The following STIL variants were observed in gnomAD, a reference collection of about 807,000 sequenced individuals.
STIL encodes SCL-interrupting locus protein.
STIL carries 55 observed loss-of-function variants against 110.1 expected under a neutral mutation model. That is an observed-to-expected ratio of 0.50 (90% confidence interval 0.40 to 0.63). The LOEUF is 0.63. Among genes scored for constraint, STIL ranks in the 20% least tolerant of loss-of-function variants. STIL has a pLI of 0.00. For missense variants in STIL, 1,358 were observed against 1,530.0 expected (o/e 0.89, Z 1.87); for synonymous variants, 481 against 530.0 (o/e 0.91, Z 1.27).
chr1:47,300,824 T>C (rs960346392), intron 5 of STIL, among the ~76,000 whole-genome samples: 2 of 152,194 alleles, frequency 1.3e-5, no homozygotes, highest in Non-Finnish European at 2.9e-5. Context: ...GATTCCTTTC[T>C]TGTTACCACA....
Position 47,260,635 on chromosome 1 carries a change from A to C in STIL, c.2830-96T>G, listed in dbSNP as rs148721559. On this transcript the variant is annotated intron_variant, in intron 15 of 16. Transcript: ENST00000371877. ...CACCTATAATCCCAGCACTTTGGGA[A>C]GCCAAGGCAGGAAGATCGCTTGAGC... 5,736 of 1,297,532 alleles carry C rather than the reference A, an allele frequency of 4.4e-3. 218 individuals are homozygous for C. In the African/African-American group the frequency reaches 0.075, roughly 17 times the overall value. The allele number at this position is 1,297,532 out of a possible 1,614,324, so 80.4% of individuals were successfully genotyped here. A position where few individuals can be genotyped will look rare whatever the true frequency, so the allele number is the denominator to read the frequency against.
chr1:47,251,242 G>C lies in STIL; in HGVS notation c.3761C>G (p.Pro1254Arg), dbSNP rs1557694257. The change falls in exon 17 of 17, where the codon CCT (proline) becomes CGT (arginine). Residue 1254 changes from proline (P) to arginine (R), a missense_variant. Transcript: ENST00000371877. ...CGTTTCAGAAGGTTGCAAACTTTCA[G>C]GAAAAATTGTAATGTCCCCTTCATT... ...KENEGDITIF[P>R]ESLQPSETLK... The C allele has an allele frequency of 6.2e-7, 1 of 1,611,168 alleles. No homozygotes were observed. The highest frequency in any genetic ancestry group is 1.7e-5 in the Admixed American group (1 of 59,622).
chr1:47,312,047 C>T (rs916135198), intron 1 of STIL, among the ~76,000 whole-genome samples: 1 of 151,452 alleles, frequency 6.6e-6, no homozygotes, highest in Non-Finnish European at 1.5e-5. Flanking sequence ...CTCTGTCTCA[C>T]TCTGTGTGAA....
At chr1:47,309,065 A>AAT (rs1646048441) in intron 2 of STIL, among the ~76,000 whole-genome samples, 1 of 151,118 alleles carries the variant, frequency 6.6e-6, no homozygotes. Flanking sequence ...AAAAAAAAAA[A>AAT]AATAATAATA....
At chr1:47,297,579 G>A (rs1379210267) in intron 6 of STIL, among the ~76,000 whole-genome samples, 3 of 152,018 alleles carry the variant, frequency 2.0e-5, no homozygotes, top group African/African-American at 7.2e-5. Flanking sequence ...AAGGGCAAAT[G>A]TCAAATTTTT....
At chr1:47,305,266 C>T in intron 2 of STIL, 1 of 349,348 alleles carries the variant, frequency 2.9e-6, no homozygotes, top group South Asian at 3.1e-5. Flanking sequence ...GCTGAGATTA[C>T]AGGAGTGCAC....
intron 8 of STIL, among the ~76,000 whole-genome samples, chr1:47,291,248 C>A (rs1645479732): frequency 6.6e-6 from 1 of 152,088 alleles, no homozygotes; most frequent in Non-Finnish European, 1.5e-5. Flanking sequence ...GTAATCCCAG[C>A]TACTCAGGAG....
At chr1:47,314,810 C>A (rs1646238597), upstream of STIL, among the ~76,000 whole-genome samples, 1 of 151,788 alleles carries the variant, frequency 6.6e-6, no homozygotes, top group Admixed American at 6.6e-5. Context: ...ACCGCAACCT[C>A]GCCTCCCGAG....
chr1:47,280,495 C>T lies in STIL; in HGVS notation c.1963G>A (p.Ala655Thr). The T allele has an allele frequency of 1.9e-6, 3 of 1,614,228 alleles. No individual in the cohort carries two copies. The highest frequency in any genetic ancestry group is 2.5e-6 in the Non-Finnish European group (3 of 1,180,044). Residue 655 changes from alanine to threonine, a missense_variant, in exon 12 of 17, where the codon GCA (alanine) becomes ACA (threonine). Transcript: ENST00000371877. ...ATAGGACTACTTGAAGAACAGAATG[C>T]ATTACAGTACAGGGCTGGACATCCA... is the stretch of plus-strand genomic sequence containing the variant. ...PSGCPALYCNAFCSSSSPIAL... is the reference protein window; with the variant it reads ...PSGCPALYCNTFCSSSSPIAL...
At position 47,255,532 on chromosome 1, in the gene STIL, G is replaced by A. The variant is rs144483302; in HGVS notation, c.3081-3610C>T. On this transcript the variant is annotated intron_variant, in intron 16 of 16. Transcript: ENST00000371877. ...CCACTGCACTGCAGCCTGGGCAACA[G>A]AGCGAGACCCTGTCTCTCAAAAAAA... Among the ~76,000 whole-genome samples, 281 of 139,376 alleles carry A rather than the reference G, an allele frequency of 2.0e-3. 1 individual carries two copies. The highest frequency in any genetic ancestry group is 7.2e-3 in the African/African-American group (273 of 38,170). 91.4% of individuals were successfully genotyped at this position (139,376 alleles called of 152,430 possible).
At chr1:47,277,676 G>A (rs193115789) in intron 12 of STIL, among the ~76,000 whole-genome samples, 330 of 152,222 alleles carry the variant, frequency 2.2e-3, no homozygotes, top group African/African-American at 7.5e-3. Flanking sequence ...CCTGAGTGAC[G>A]AGATGAGAGG....
At chr1:47,290,950 G>C (rs773845733) in intron 8 of STIL, among the ~76,000 whole-genome samples, 2 of 152,160 alleles carry the variant, frequency 1.3e-5, no homozygotes, top group South Asian at 2.1e-4. Context: ...AAGATGTAAC[G>C]TGTTGTTTCA....
upstream of STIL, among the ~76,000 whole-genome samples, chr1:47,314,472 G>A (rs554822632): frequency 1.3e-5 from 2 of 152,352 alleles, no homozygotes; most frequent in Admixed American, 6.5e-5. Context: ...ACGGAGGAGC[G>A]AGTGGCAGAT....
intron 8 of STIL, among the ~76,000 whole-genome samples, chr1:47,293,124 C>A (rs1338793317): frequency 1.3e-5 from 2 of 152,144 alleles, no homozygotes; most frequent in Non-Finnish European, 2.9e-5. Context: ...CAAATCCAAA[C>A]TCATTTGCAG....
intron 2 of STIL, among the ~76,000 whole-genome samples, chr1:47,309,416 G>A (rs1396666506): frequency 1.3e-5 from 2 of 152,050 alleles, no homozygotes; most frequent in African/African-American, 4.8e-5. Flanking sequence ...ACAGGCATAA[G>A]CCACCTTGCC....
chr1:47,299,985 G>A lies in STIL; in HGVS notation c.621C>T (p.Ile207=). The change falls in exon 6 of 17, where the codon ATC becomes ATT. Residue 207 remains isoleucine (I), a synonymous_variant. Coordinates refer to ENST00000371877, the MANE Select transcript of STIL (RefSeq NM_001048166.1). The part of the protein sequence containing the change: ...NNFKCTPVKP[I]PIIPTALARN... Reference sequence around the variant, plus strand: ...TTGCCAGAGCTGTTGGAATAATGGGGATGGGCTTCACAGGTGTGCATTTAA... The same window carrying A: ...TTGCCAGAGCTGTTGGAATAATGGGAATGGGCTTCACAGGTGTGCATTTAA... The A allele has an allele frequency of 6.2e-7, 1 of 1,614,100 alleles. No homozygotes were observed. The highest frequency in any genetic ancestry group is 8.5e-7 in the Non-Finnish European group (1 of 1,179,990).
At chr1:47,253,036 A>C (rs1317254541) in intron 16 of STIL, among the ~76,000 whole-genome samples, 1 of 152,072 alleles carries the variant, frequency 6.6e-6, no homozygotes, top group Non-Finnish European at 1.5e-5. Context: ...GGCTGCTCTC[A>C]AACTCCTGAG....
intron 16 of STIL, 67 bp downstream of exon 16, chr1:47,260,222 A>G: frequency 8.3e-6 from 12 of 1,454,362 alleles, no homozygotes; most frequent in Non-Finnish European, 9.2e-6. Flanking sequence ...AATGATGGGC[A>G]AAAATAAATA....
Position 47,250,814 on chromosome 1 carries a change from G to A in STIL, c.*322C>T, listed in dbSNP as rs1394629828. 2.1e-5 allele frequency: 5 copies of A among 235,364 alleles called. No individual in the cohort carries two copies. The highest frequency in any genetic ancestry group is 4.2e-5 in the Non-Finnish European group (5 of 120,138). The allele number at this position is 235,364 out of a possible 1,614,324, so 14.6% of individuals were successfully genotyped here. On this transcript the variant is annotated 3_prime_UTR_variant, in exon 17 of 17. Transcript: ENST00000371877. ...GCCTGGGCTACAAGAGCAAAACTCCGTCTCAAAAAAAAAAGTACAGTATAA... is the reference window on the plus strand; with the variant it reads ...GCCTGGGCTACAAGAGCAAAACTCCATCTCAAAAAAAAAAGTACAGTATAA...
Sources: gnomAD v4.1 joint callset for allele counts (sites outside exome capture counted in the v4.1 genomes callset) on GRCh38, gnomAD v4.1.1 for gene constraint, MANE v1.5 for transcripts, NCBI Gene and HGNC (gene_info 2026-07-23, HGNC 2026-07-21) for gene names.